Variants in RNLS observed in about 807,000 individuals in gnomAD.
RNLS encodes the protein renalase, FAD dependent amine oxidase, also known as renalase.
In RNLS, 39 loss-of-function variants were observed where a neutral mutation model predicts 39.8. The observed-to-expected ratio is 0.98, with a 90% CI of 0.76 to 1.28. The LOEUF (loss-of-function observed/expected upper bound fraction) is 1.28. RNLS is among the 50% of genes most tolerant of loss of function. RNLS has a pLI of 0.00. For synonymous variants in RNLS, 147 were observed against 150.7 expected (o/e 0.98, Z 0.18); for missense variants, 410 against 413.3 (o/e 0.99, Z 0.07).
chr10:88,381,317 TAGA>T (rs763587309), intron 4 of RNLS, among the ~76,000 whole-genome samples: 1 of 152,172 alleles, frequency 6.6e-6, no homozygotes, highest in East Asian at 1.9e-4. Context: ...AGCAAAGTTT[TAGA>T]AGTTTTCTTC....
chr10:88,217,224 A>G, the RNLS span, among the ~76,000 whole-genome samples: 3 of 152,250 alleles, frequency 2.0e-5, no homozygotes, highest in African/African-American at 7.2e-5. Flanking sequence ...ACTAGTGACT[A>G]GAAAACAAGG....
intron 5 of RNLS, among the ~76,000 whole-genome samples, chr10:88,359,491 G>A (rs772057656): frequency 8.5e-5 from 13 of 152,154 alleles, no homozygotes; most frequent in East Asian, 1.9e-4. Flanking sequence ...TAGATTTTAC[G>A]TTATGAAATG....
chr10:88,547,381 T>C lies in RNLS; in HGVS notation c.526+25522A>G, dbSNP rs554378686. ...TTTGCAAATTTGAAAAGCAAGTATT[T>C]CTTCAAATATTCTAAACTAGTAAGG... is the stretch of plus-strand genomic sequence containing the variant. On this transcript the variant is annotated intron_variant, in intron 4 of 6. Coordinates refer to ENST00000331772, the MANE Select transcript of RNLS (RefSeq NM_001031709.3). Among the ~76,000 whole-genome samples, 6 of 152,322 alleles carry C rather than the reference T, an allele frequency of 3.9e-5. No homozygotes were observed. The South Asian group carries it at 1.0e-3, about 26-fold the overall frequency.
intron 5 of RNLS, among the ~76,000 whole-genome samples, chr10:88,317,424 C>T (rs1845841525): frequency 6.6e-6 from 1 of 152,176 alleles, no homozygotes; most frequent in African/African-American, 2.4e-5. Flanking sequence ...CACCTCTCCA[C>T]TGTTGAAAGA....
At chr10:88,392,871 G>C (rs1359403320) in intron 4 of RNLS, among the ~76,000 whole-genome samples, 1 of 152,138 alleles carries the variant, frequency 6.6e-6, no homozygotes, top group African/African-American at 2.4e-5. Flanking sequence ...GGGATGCAAG[G>C]CTGGTTCAAC....
chr10:88,542,633 A>G (rs1463431431), intron 4 of RNLS, among the ~76,000 whole-genome samples: 1 of 152,192 alleles, frequency 6.6e-6, no homozygotes, highest in Non-Finnish European at 1.5e-5. Context: ...TTTAGAAACT[A>G]TTATCAGGAG....
Position 88,314,625 on chromosome 10 carries a change from C to T in RNLS, c.717G>A (p.Gly239=), listed in dbSNP as rs144523691. 2.9e-4 allele frequency: 464 copies of T among 1,612,928 alleles called. No individual in the cohort carries two copies. Among genetic ancestry groups the T allele is most frequent in the Non-Finnish European group, 3.8e-4 (450 of 1,179,412 alleles). The change falls in exon 6 of 7, where the codon GGG becomes GGA. Residue 239 remains glycine (G), a synonymous_variant. Coordinates refer to ENST00000331772, the MANE Select transcript of RNLS (RefSeq NM_001031709.3). ...CAGTGGTGTGAATCACGAGGGAAGG[C>T]CCAATTTCTGATGACTCTGTGGCAT... ...KKRNIESSEI[G]PSLVIHTTVP...
At chr10:88,553,277 C>T (rs1279007463) in intron 4 of RNLS, among the ~76,000 whole-genome samples, 1 of 152,170 alleles carries the variant, frequency 6.6e-6, no homozygotes, top group Non-Finnish European at 1.5e-5. Context: ...TCCTGGGATG[C>T]ATTTGCAATC....
At chr10:88,241,547 G>A in the RNLS span, among the ~76,000 whole-genome samples, 2 of 151,986 alleles carry the variant, frequency 1.3e-5, no homozygotes, top group Non-Finnish European at 1.5e-5. Context: ...AATCAGTCAT[G>A]CCAGGAGTTC....
At chr10:88,273,537 A>G (rs1210000004), downstream of RNLS, among the ~76,000 whole-genome samples, 1 of 152,206 alleles carries the variant, frequency 6.6e-6, no homozygotes, top group Non-Finnish European at 1.5e-5. Context: ...GACTGCATTA[A>G]ATTCCACTGT....
intron 4 of RNLS, among the ~76,000 whole-genome samples, chr10:88,481,046 G>T (rs761044904): frequency 8.4e-4 from 128 of 151,944 alleles, no homozygotes; most frequent in Admixed American, 1.6e-3. Flanking sequence ...GTATATTCCT[G>T]GTTTATTGAC....
At chr10:88,381,086 C>CTAA (rs1319098325) in intron 4 of RNLS, among the ~76,000 whole-genome samples, 9 of 152,152 alleles carry the variant, frequency 5.9e-5, no homozygotes, top group African/African-American at 2.2e-4. Flanking sequence ...ATAGTATAGT[C>CTAA]TAATTTTTCT....
intron 4 of RNLS, among the ~76,000 whole-genome samples, chr10:88,486,109 A>T (rs1343610920): frequency 6.6e-6 from 1 of 152,136 alleles, no homozygotes; most frequent in Non-Finnish European, 1.5e-5. Context: ...TGTCAAAAAC[A>T]ACCAATGGGG....
At chr10:88,255,653 A>G in the RNLS span, among the ~76,000 whole-genome samples, 1 of 152,212 alleles carries the variant, frequency 6.6e-6, no homozygotes, top group Non-Finnish European at 1.5e-5. Context: ...ACGATAAATC[A>G]TTTATCAGGA....
intron 4 of RNLS, among the ~76,000 whole-genome samples, chr10:88,550,221 A>T (rs1203523355): frequency 6.6e-6 from 1 of 152,190 alleles, no homozygotes; most frequent in East Asian, 1.9e-4. Flanking sequence ...GACATTAAAG[A>T]TATTATAGTT....
At chr10:88,345,676 A>G (rs1818216947) in intron 5 of RNLS, among the ~76,000 whole-genome samples, 1 of 152,150 alleles carries the variant, frequency 6.6e-6, no homozygotes, top group South Asian at 2.1e-4. Flanking sequence ...GAAGTTTTGG[A>G]TATACTATCT....
chr10:88,243,093 TCTAGATC>T, the RNLS span, among the ~76,000 whole-genome samples: 1 of 152,214 alleles, frequency 6.6e-6, no homozygotes, highest in Non-Finnish European at 1.5e-5. Flanking sequence ...TATCTGACTC[TCTAGATC>T]CTTGTGAGGA....
intron 4 of RNLS, among the ~76,000 whole-genome samples, chr10:88,391,725 C>T (rs749242490): frequency 6.6e-6 from 1 of 152,114 alleles, no homozygotes; most frequent in East Asian, 1.9e-4. Flanking sequence ...AATAAAAATA[C>T]TGGCAAAAAT....
At chr10:88,210,164 A>C in the RNLS span, among the ~76,000 whole-genome samples, 5 of 152,172 alleles carry the variant, frequency 3.3e-5, no homozygotes, top group East Asian at 9.6e-4. Flanking sequence ...CACCTTGTCT[A>C]TATTATATGG....
Sources: allele counts gnomAD v4.1 joint callset (sites outside exome capture counted in the v4.1 genomes callset), GRCh38; gene constraint gnomAD v4.1.1; transcripts MANE v1.5; gene names NCBI Gene and HGNC (gene_info 2026-07-23, HGNC 2026-07-21).